ASIC2: variants seen among roughly 807,000 people sequenced by gnomAD.
The protein encoded by ASIC2 is acid sensing ion channel subunit 2, also known as acid-sensing ion channel 2.
Under a neutral mutation model 57.3 loss-of-function variants are expected in ASIC2, and 25 were observed. That is an observed-to-expected ratio of 0.44 (90% CI 0.32 to 0.61). The LOEUF (loss-of-function observed/expected upper bound fraction) is 0.61, where lower values mean the gene tolerates loss of function less well. Among genes scored for constraint, ASIC2 ranks in the 20% least tolerant of loss-of-function variants. The probability of loss-of-function intolerance (pLI) is 0.06; values close to 1 mark genes in which losing one functional copy is unlikely to be tolerated. For missense variants in ASIC2, 641 were observed against 738.1 expected, an observed-to-expected ratio of 0.87 and a Z score of 1.52; for synonymous variants, 319 against 307.5, an observed-to-expected ratio of 1.04 and a Z score of -0.39.
At chr17:33,765,578 T>C (rs540298048) in intron 1 of ASIC2, among the ~76,000 whole-genome samples, 1 of 152,330 alleles carries the variant, frequency 6.6e-6, no homozygotes, top group African/African-American at 2.4e-5. Context: ...TTCAAAATAG[T>C]ATGATTTCAG....
At chr17:33,892,285 G>A (rs1482985448) in intron 1 of ASIC2, among the ~76,000 whole-genome samples, 1 of 152,178 alleles carries the variant, frequency 6.6e-6, no homozygotes, top group East Asian at 1.9e-4. Flanking sequence ...ATTAGGTAAG[G>A]CGGGAAGAAA....
intron 3 of ASIC2, among the ~76,000 whole-genome samples, chr17:33,045,356 A>T (rs992626230): frequency 6.6e-6 from 1 of 152,202 alleles, no homozygotes. Context: ...TCATCGGGAC[A>T]CAATTTCTTG....
intron 1 of ASIC2, among the ~76,000 whole-genome samples, chr17:33,578,492 A>G (rs77228198): frequency 0.058 from 8,768 of 152,312 alleles, 500 homozygotes; most frequent in East Asian, 0.3. Context: ...TGGGTGGGCG[A>G]GACAATTGGG....
intron 1 of ASIC2, among the ~76,000 whole-genome samples, chr17:33,909,807 A>C (rs1915423699): frequency 6.6e-6 from 1 of 152,232 alleles, no homozygotes; most frequent in African/African-American, 2.4e-5. Context: ...ATACCCTAAT[A>C]AGGACATGAA....
intron 1 of ASIC2, among the ~76,000 whole-genome samples, chr17:33,667,674 T>C (rs1597828206): frequency 6.6e-6 from 1 of 152,200 alleles, no homozygotes; most frequent in East Asian, 1.9e-4. Flanking sequence ...ACCAAAAACT[T>C]AGTGGCTTCA....
chr17:33,432,423 G>T (rs1281388531), intron 1 of ASIC2, among the ~76,000 whole-genome samples: 1 of 152,174 alleles, frequency 6.6e-6, no homozygotes, highest in Non-Finnish European at 1.5e-5. Flanking sequence ...GACTCAGTGG[G>T]AGGATCCCTT....
At chr17:33,889,022 T>TA (rs1271014522) in intron 1 of ASIC2, among the ~76,000 whole-genome samples, 4 of 152,170 alleles carry the variant, frequency 2.6e-5, no homozygotes, top group Non-Finnish European at 4.4e-5. Flanking sequence ...TGTTGCTGAG[T>TA]AAAAATGTTT....
chr17:33,032,851 T>C (rs1357674012), intron 3 of ASIC2, among the ~76,000 whole-genome samples: 1 of 152,252 alleles, frequency 6.6e-6, no homozygotes, highest in Non-Finnish European at 1.5e-5. Flanking sequence ...TCATTGTTCA[T>C]CATGCTTCTT....
At chr17:34,044,681 G>T (rs1388227239) in intron 1 of ASIC2, among the ~76,000 whole-genome samples, 5 of 152,152 alleles carry the variant, frequency 3.3e-5, no homozygotes, top group Non-Finnish European at 7.3e-5. Flanking sequence ...AGTCCTCAGA[G>T]GATGTGGCCT....
chr17:33,757,226 A>G (rs988779991), intron 1 of ASIC2, among the ~76,000 whole-genome samples: 1 of 152,188 alleles, frequency 6.6e-6, no homozygotes, highest in African/African-American at 2.4e-5. Context: ...CTTTGCTGTC[A>G]TTGTACTACT....
intron 1 of ASIC2, among the ~76,000 whole-genome samples, chr17:33,727,324 A>G (rs1377565187): frequency 6.6e-6 from 1 of 152,242 alleles, no homozygotes; most frequent in Admixed American, 6.5e-5. Flanking sequence ...TCCAAGACAC[A>G]AAGTATGCCT....
At chr17:33,711,053 C>T (rs890987656) in intron 1 of ASIC2, among the ~76,000 whole-genome samples, 2 of 152,150 alleles carry the variant, frequency 1.3e-5, no homozygotes, top group Non-Finnish European at 2.9e-5. Flanking sequence ...TGGTCTCAAG[C>T]GATCCTCCCA....
rs188710565 is a variant in ASIC2, at chr17:33,855,588, C to G, written c.555+300390G>C. On this transcript the variant is annotated intron_variant, in intron 1 of 9. Transcript: ENST00000359872. ...TATAGATAGATGGAGTGAAAAATCT[C>G]ATGTGTATCCACCTAGGGGCTTGAC... 1.2e-4 allele frequency among the ~76,000 whole-genome samples: 18 copies of G among 152,222 alleles called. No individual in the cohort carries two copies. In the East Asian group the frequency reaches 3.5e-3, roughly 29 times the overall value.
At chr17:33,772,857 T>C (rs1291714978) in intron 1 of ASIC2, among the ~76,000 whole-genome samples, 1 of 152,208 alleles carries the variant, frequency 6.6e-6, no homozygotes, top group East Asian at 1.9e-4. Context: ...GTTGAAATTA[T>C]ATAACATGTT....
At chr17:34,039,920 G>C (rs1016161943) in intron 1 of ASIC2, 2 of 1,496,298 alleles carry the variant, frequency 1.3e-6, no homozygotes, top group Admixed American at 3.4e-5. Flanking sequence ...TCCCTGGAGG[G>C]ACCCCGACCC....
intron 1 of ASIC2, among the ~76,000 whole-genome samples, chr17:33,454,474 C>A (rs1011405615): frequency 6.6e-6 from 1 of 152,198 alleles, no homozygotes; most frequent in African/African-American, 2.4e-5. Flanking sequence ...CCCAGTACTT[C>A]CAAATTCCCT....
At chr17:33,283,792 C>T (rs548253332) in intron 1 of ASIC2, among the ~76,000 whole-genome samples, 1 of 152,284 alleles carries the variant, frequency 6.6e-6, no homozygotes, top group East Asian at 1.9e-4. Context: ...GAGATAGCAA[C>T]GTACATTATC....
intron 1 of ASIC2, among the ~76,000 whole-genome samples, chr17:33,547,651 G>C (rs1333053056): frequency 1.3e-5 from 2 of 152,114 alleles, no homozygotes; most frequent in African/African-American, 2.4e-5. Flanking sequence ...ACTGGACTTG[G>C]TAATGAGGAC....
At chr17:34,099,147 AGAGAGAGAGAGAGAG>A in intron 1 of ASIC2, among the ~76,000 whole-genome samples, 21 of 13,298 alleles carry the variant, frequency 1.6e-3, no homozygotes, top group African/African-American at 5.1e-3. Flanking sequence ...AGAGAGAGAC[AGAGAGAGAGAGAGAG>A]AGAAAGAAAG....
Sources: gnomAD v4.1 joint callset for allele counts (sites outside exome capture counted in the v4.1 genomes callset) on GRCh38, gnomAD v4.1.1 for gene constraint, MANE v1.5 for transcripts, NCBI Gene and HGNC (gene_info 2026-07-23, HGNC 2026-07-21) for gene names.